Variants in CYTH1 observed in about 807,000 individuals in gnomAD.
The protein encoded by CYTH1 is cytohesin-1.
Under a neutral mutation model 61.8 loss-of-function variants are expected in CYTH1, and 18 were observed. The ratio of observed to expected loss-of-function variants is 0.29; its 90% CI spans 0.20 to 0.43. The LOEUF (loss-of-function observed/expected upper bound fraction) is 0.43. Among genes scored for constraint, CYTH1 ranks in the 20% least tolerant of loss-of-function variants. CYTH1 has a pLI of 1.00. For missense variants in CYTH1, 336 were observed against 510.5 expected (o/e 0.66, Z 3.29); for synonymous variants, 174 against 184.3 (o/e 0.94, Z 0.45).
intron 1 of CYTH1, among the ~76,000 whole-genome samples, chr17:78,764,797 T>C (rs549829585): frequency 1.3e-5 from 2 of 152,240 alleles, no homozygotes; most frequent in African/African-American, 4.8e-5. Context: ...TGCCAGGCCC[T>C]GTTTCTGGCA....
At chr17:78,760,426 CACAT>C (rs1262197262) in intron 1 of CYTH1, among the ~76,000 whole-genome samples, 3 of 54,368 alleles carry the variant, frequency 5.5e-5, no homozygotes, top group Non-Finnish European at 3.4e-5. Context: ...TATATATATA[CACAT>C]ACATATATAT....
chr17:78,729,119 T>A (rs1045598208), intron 1 of CYTH1, among the ~76,000 whole-genome samples: 1 of 152,148 alleles, frequency 6.6e-6, no homozygotes, highest in African/African-American at 2.4e-5. Context: ...ATTAACTTAT[T>A]ATTTTTAGAG....
chr17:78,773,350 C>G (rs1475662704), intron 1 of CYTH1, among the ~76,000 whole-genome samples: 2 of 152,064 alleles, frequency 1.3e-5, no homozygotes, highest in Non-Finnish European at 1.5e-5. Context: ...AATCTACTGG[C>G]CAGGAGCGGT....
intron 1 of CYTH1, among the ~76,000 whole-genome samples, chr17:78,732,306 C>T (rs773520826): frequency 1.6e-4 from 24 of 152,308 alleles, no homozygotes; most frequent in Non-Finnish European, 2.8e-4. Context: ...CACAGCCAGT[C>T]CTGTGCTTTC....
At chr17:78,711,350 T>C (rs1429541799) in intron 1 of CYTH1, among the ~76,000 whole-genome samples, 2 of 151,198 alleles carry the variant, frequency 1.3e-5, no homozygotes, top group Non-Finnish European at 2.9e-5. Flanking sequence ...AGACTTTCTA[T>C]AAAAACAAAG....
At chr17:78,738,108 T>A (rs754781685) in intron 1 of CYTH1, among the ~76,000 whole-genome samples, 5 of 152,134 alleles carry the variant, frequency 3.3e-5, no homozygotes, top group Non-Finnish European at 5.9e-5. Context: ...TCTTTAATTA[T>A]CTCCATAGAA....
At chr17:78,730,379 A>C (rs1344992756) in intron 1 of CYTH1, among the ~76,000 whole-genome samples, 3 of 149,780 alleles carry the variant, frequency 2.0e-5, no homozygotes, top group Non-Finnish European at 4.5e-5. Flanking sequence ...CAAAAAAAAA[A>C]AAAAAAAAAA....
chr17:78,702,441 A>C, intron 4 of CYTH1, 97 bp downstream of exon 4: 1 of 1,334,558 alleles, frequency 7.5e-7, no homozygotes, highest in Non-Finnish European at 1.1e-6. Context: ...GGCAACATGA[A>C]CTGTAACGCT....
chr17:78,692,363 G>T, intron 11 of CYTH1, 54 bp downstream of exon 11: 1 of 1,566,060 alleles, frequency 6.4e-7, no homozygotes, highest in South Asian at 1.1e-5. Context: ...AGAGACACTT[G>T]GAACCGGAGG....
In CYTH1 at chr17:78,700,285, C is replaced by T. The variant is rs780344059; in HGVS notation, c.550+46G>A. 5.4e-6 allele frequency: 8 copies of T among 1,478,440 alleles called. No individual in the cohort carries two copies. In the African/African-American group the frequency reaches 1.0e-4, roughly 18 times the overall value. 91.6% of individuals were successfully genotyped at this position (1,478,440 alleles called of 1,614,324 possible). ...ATTATCTGGTGCCAAGAAAATAATC[C>T]AGTGTAAAACGCCCATCATAAACTA... On this transcript the variant is annotated intron_variant, in intron 7 of 13. Transcript: ENST00000446868. This position sits in a 1 kb window ranked among gnomAD's most constrained non-coding sequence, Gnocchi z 5.1.
chr17:78,735,752 A>G (rs1034485710), intron 1 of CYTH1, among the ~76,000 whole-genome samples: 1 of 152,208 alleles, frequency 6.6e-6, no homozygotes, highest in African/African-American at 2.4e-5. Context: ...ACATAGCCAG[A>G]TATTTATTCC....
intron 3 of CYTH1, 96 bp from the exon 4 acceptor site, chr17:78,702,700 A>C: frequency 1.5e-6 from 2 of 1,332,588 alleles, no homozygotes; most frequent in Non-Finnish European, 2.1e-6. Flanking sequence ...AGGTTTTTGA[A>C]AGATTTATCC....
chr17:78,737,435 G>A (rs1296581337), intron 1 of CYTH1, among the ~76,000 whole-genome samples: 2 of 151,650 alleles, frequency 1.3e-5, no homozygotes, highest in Non-Finnish European at 2.9e-5. Flanking sequence ...CCATGGATGG[G>A]GAGCCCATGG....
chr17:78,680,909 A>C (rs2092754471), intron 12 of CYTH1, 62 bp downstream of exon 12: 2 of 1,563,012 alleles, frequency 1.3e-6, no homozygotes, highest in East Asian at 4.5e-5. Flanking sequence ...AGTTTTTTAA[A>C]AAAAATCTTT....
intron 1 of CYTH1, among the ~76,000 whole-genome samples, chr17:78,742,648 T>C (rs2093345811): frequency 6.6e-6 from 1 of 151,476 alleles, no homozygotes; most frequent in African/African-American, 2.4e-5. Flanking sequence ...AAGTCAGGAG[T>C]TTGAGGCCAG....
chr17:78,725,131 C>T (rs1052202639), intron 1 of CYTH1, among the ~76,000 whole-genome samples: 3 of 152,124 alleles, frequency 2.0e-5, no homozygotes, highest in African/African-American at 4.8e-5. Flanking sequence ...CGGGATCCAC[C>T]AGAGTACTCA....
chr17:78,679,640 C>T (rs554678900), intron 13 of CYTH1, among the ~76,000 whole-genome samples: 2 of 152,284 alleles, frequency 1.3e-5, no homozygotes, highest in South Asian at 4.2e-4. Flanking sequence ...CCAACAGAGC[C>T]GAGAGGTAGG....
intron 1 of CYTH1, among the ~76,000 whole-genome samples, chr17:78,781,448 C>T (rs67901938): frequency 0.062 from 9,386 of 152,288 alleles, 572 homozygotes; most frequent in South Asian, 0.15. Context: ...GCGAAGGGAG[C>T]GGGACAGCGG....
chr17:78,728,272 G>A (rs1681815062), intron 1 of CYTH1, among the ~76,000 whole-genome samples: 1 of 152,216 alleles, frequency 6.6e-6, no homozygotes, highest in South Asian at 2.1e-4. Flanking sequence ...TACGCCGGGT[G>A]CAGTGGCTCA....
Sources: gnomAD v4.1 joint callset for allele counts (sites outside exome capture counted in the v4.1 genomes callset) on GRCh38, gnomAD v4.1.1 for gene constraint, Gnocchi (gnomAD v3.1) non-coding constraint, MANE v1.5 for transcripts, NCBI Gene and HGNC (gene_info 2026-07-23, HGNC 2026-07-21) for gene names.